KIRREL3: variants seen among roughly 807,000 people sequenced by gnomAD.
The protein encoded by KIRREL3 is kirre like nephrin family adhesion molecule 3.
Under a neutral mutation model 89.7 loss-of-function variants are expected in KIRREL3, and 36 were observed. The observed-to-expected ratio is 0.40, with a 90% CI of 0.31 to 0.53. The LOEUF is 0.53. Ranked by LOEUF, KIRREL3 falls within the 20% of genes least tolerant of loss-of-function variation. The pLI is 0.49. For synonymous variants in KIRREL3, 445 were observed against 441.4 expected (o/e 1.01, Z -0.10); for missense variants, 864 against 1,056.6 (o/e 0.82, Z 2.53).
In KIRREL3 at chr11:126,553,709, G is replaced by A. The variant is rs1381810837; in HGVS notation, c.133+9126C>T. On this transcript the variant is annotated intron_variant, in intron 2 of 16. Coordinates refer to ENST00000525144, the MANE Select transcript of KIRREL3 (RefSeq NM_032531.4). The surrounding 1 kb of genome is among the most constrained non-coding windows in gnomAD (Gnocchi z 4.7). ...AATGCACCCCTCAAATTTCCATAGG[G>A]CTGTGCTCCACATGGGCATCCCATT... Among the ~76,000 whole-genome samples, 1 of 152,114 alleles carries A rather than the reference G, an allele frequency of 6.6e-6. No individual in the cohort carries two copies. Among genetic ancestry groups the A allele is most frequent in the Non-Finnish European group, 1.5e-5 (1 of 68,032 alleles).
At chr11:126,672,900 G>A (rs954859186) in intron 1 of KIRREL3, among the ~76,000 whole-genome samples, 3 of 152,168 alleles carry the variant, frequency 2.0e-5, no homozygotes, top group Non-Finnish European at 4.4e-5. Flanking sequence ...ATTGCTTTGC[G>A]TTAACCTTAA....
chr11:126,995,977 G>C lies in KIRREL3; in HGVS notation c.55+4478C>G, dbSNP rs1044848470. Among the ~76,000 whole-genome samples the C allele has an allele frequency of 2.0e-5, 3 of 152,112 alleles. No individual in the cohort carries two copies. The highest frequency in any genetic ancestry group is 7.2e-5 in the African/African-American group (3 of 41,416). On this transcript the variant is annotated intron_variant, in intron 1 of 16. Coordinates refer to ENST00000525144, the MANE Select transcript of KIRREL3 (RefSeq NM_032531.4). This position sits in a 1 kb window ranked among gnomAD's most constrained non-coding sequence, Gnocchi z 6.5. Reference sequence around the variant, plus strand: ...CAAATCCTCCTCTGTACACCCAAGAGGGGGACCCCATGGTATCCTCTTAGA... The same window carrying C: ...CAAATCCTCCTCTGTACACCCAAGACGGGGACCCCATGGTATCCTCTTAGA...
At position 126,764,537 on chromosome 11, in the gene KIRREL3, C is replaced by T. The variant is rs544067567; in HGVS notation, c.56-201625G>A. On this transcript the variant is annotated intron_variant, in intron 1 of 16. Coordinates refer to ENST00000525144, the MANE Select transcript of KIRREL3 (RefSeq NM_032531.4). This position sits in a 1 kb window ranked among gnomAD's most constrained non-coding sequence, Gnocchi z 4.2. ...CAACAACCTTCTTTGCTGCACCCGC[C>T]GCTGCCTCATGAGGTTCCTGGCAGC... 2.2e-4 allele frequency among the ~76,000 whole-genome samples: 33 copies of T among 152,294 alleles called. No individual in the cohort carries two copies. Among genetic ancestry groups the T allele is most frequent in the South Asian group, 4.1e-4 (2 of 4,824 alleles).
chr11:126,851,854 T>C (rs1356742436), intron 1 of KIRREL3, among the ~76,000 whole-genome samples: 1 of 152,076 alleles, frequency 6.6e-6, no homozygotes, highest in Admixed American at 6.5e-5. Context: ...CATGGGCAGA[T>C]GGAGCATATA....
chr11:126,554,876 G>A (rs1939582705), intron 2 of KIRREL3, among the ~76,000 whole-genome samples: 1 of 152,140 alleles, frequency 6.6e-6, no homozygotes, highest in Non-Finnish European at 1.5e-5. Context: ...AAGCGGCTGA[G>A]CGTCAGGGAT....
Position 126,499,786 on chromosome 11 carries a change from T to C in KIRREL3, c.433+21529A>G, listed in dbSNP as rs77633934. Among the ~76,000 whole-genome samples the C allele has an allele frequency of 3.4e-3, 525 of 152,380 alleles. 12 individuals are homozygous for C. The East Asian group carries it at 0.066, about 19-fold the overall frequency. ...CTGAAGTCTTGTTACTGAAGTCTTG[T>C]GAAGTCATCCCAGATTTTCTGAGTT... On this transcript the variant is annotated intron_variant, in intron 4 of 16. Transcript: ENST00000525144.
chr11:126,782,929 C>T lies in KIRREL3; in HGVS notation c.55+217526G>A, dbSNP rs1397566279. 2.0e-5 allele frequency among the ~76,000 whole-genome samples: 3 copies of T among 152,080 alleles called. No homozygotes were observed. The highest frequency in any genetic ancestry group is 7.2e-5 in the African/African-American group (3 of 41,392). ...TGATACCACTCTGTAATAAAAGGAA[C>T]CAGGGCTCCTTGAAGAAATGGCCAA... On this transcript the variant is annotated intron_variant, in intron 1 of 16. Transcript: ENST00000525144. The surrounding 1 kb of genome is among the most constrained non-coding windows in gnomAD (Gnocchi z 4.1).
At chr11:126,925,622 T>A (rs1947682255) in intron 1 of KIRREL3, among the ~76,000 whole-genome samples, 1 of 152,134 alleles carries the variant, frequency 6.6e-6, no homozygotes, top group East Asian at 1.9e-4. Context: ...CCACCAGCCG[T>A]CCAGCTTCAT....
In KIRREL3 at chr11:126,923,201, CTTCTTCTTCTTCTTCTTCTTCT is replaced by C. The variant is rs1565423401; in HGVS notation, c.55+77232_55+77253del. On this transcript the variant is annotated intron_variant, in intron 1 of 16. Coordinates refer to ENST00000525144, the MANE Select transcript of KIRREL3 (RefSeq NM_032531.4). ...CTCTTCTTCTTCTCTTCTTCTTCTT[CTTCTTCTTCTTCTTCTTCTTCT>C]TCTTCTTCTTCTTCTTCTTCTTCTT... Among the ~76,000 whole-genome samples the C allele has an allele frequency of 6.4e-4, 11 of 17,236 alleles. 4 individuals carry two copies. The highest frequency in any genetic ancestry group is 7.1e-3 in the South Asian group (2 of 282). The allele number at this position is 17,236 out of a possible 152,430, so 11.3% of individuals were successfully genotyped here. A position where few individuals can be genotyped will look rare whatever the true frequency, so the allele number is the denominator to read the frequency against.
At chr11:126,916,539 C>A (rs926436383) in intron 1 of KIRREL3, among the ~76,000 whole-genome samples, 1 of 152,140 alleles carries the variant, frequency 6.6e-6, no homozygotes, top group Admixed American at 6.5e-5. Flanking sequence ...TTCTTAACAT[C>A]CTCCGAGACT....
chr11:126,626,772 C>G (rs886667065), intron 1 of KIRREL3, among the ~76,000 whole-genome samples: 1 of 152,192 alleles, frequency 6.6e-6, no homozygotes. Flanking sequence ...GCGGGCAGAT[C>G]GCCTGAGGTC....
rs1954851497 is a variant in KIRREL3 at position 126,424,520 on chromosome 11, G to A, written c.*60C>T. On this transcript the variant is annotated 3_prime_UTR_variant, in exon 17 of 17. Transcript: ENST00000525144. ...CTCTGCAAAGTACCCCTCGTCCCTG[G>A]ACAACCAGAACGTGCCCTGACCTCT... 8 of 1,544,996 alleles carry A rather than the reference G, an allele frequency of 5.2e-6. No homozygotes were observed. The South Asian group carries it at 8.1e-5, about 16-fold the overall frequency.
At chr11:126,577,798 T>C (rs1309498511) in intron 1 of KIRREL3, among the ~76,000 whole-genome samples, 2 of 151,882 alleles carry the variant, frequency 1.3e-5, no homozygotes, top group Non-Finnish European at 2.9e-5. Flanking sequence ...GTCCTTTCTC[T>C]GGTCTAGACG....
intron 1 of KIRREL3, among the ~76,000 whole-genome samples, chr11:126,848,049 C>T (rs1455431351): frequency 2.6e-5 from 4 of 152,164 alleles, no homozygotes; most frequent in Non-Finnish European, 4.4e-5. Flanking sequence ...AGTCCCTGTA[C>T]AGGGTTCCTG....
rs986570565 is a variant in KIRREL3, at chr11:126,766,599, T to A, written c.56-203687A>T. ...ATCCAAAAGAGATTATTGTGCCTCATGGTGGCGCCAGTAGTATCATTCCAT... is the reference window on the plus strand; with the variant it reads ...ATCCAAAAGAGATTATTGTGCCTCAAGGTGGCGCCAGTAGTATCATTCCAT... On this transcript the variant is annotated intron_variant, in intron 1 of 16. Coordinates refer to ENST00000525144, the MANE Select transcript of KIRREL3 (RefSeq NM_032531.4). The surrounding 1 kb of genome is among the most constrained non-coding windows in gnomAD (Gnocchi z 4.2). Among the ~76,000 whole-genome samples the A allele has an allele frequency of 3.3e-5, 5 of 152,074 alleles. No homozygotes were observed. The highest frequency in any genetic ancestry group is 1.5e-5 in the Non-Finnish European group (1 of 68,002).
Position 126,605,179 on chromosome 11 carries a change from G to A in KIRREL3, c.56-42267C>T, listed in dbSNP as rs1229432410. Among the ~76,000 whole-genome samples the A allele has an allele frequency of 6.6e-6, 1 of 152,102 alleles. No homozygotes were observed. The highest frequency in any genetic ancestry group is 1.9e-4 in the East Asian group (1 of 5,192). On this transcript the variant is annotated intron_variant, in intron 1 of 16. Transcript: ENST00000525144. The surrounding 1 kb of genome is among the most constrained non-coding windows in gnomAD (Gnocchi z 5.7). ...TGCTCTCCCATCTGCAGCAGGTTGG[G>A]GCCCCATGGATAACTATATCTAGGG...
chr11:126,448,863 C>T lies in KIRREL3; in HGVS notation c.997+146G>A, dbSNP rs189024952. On this transcript the variant is annotated intron_variant, in intron 8 of 16. Coordinates refer to ENST00000525144, the MANE Select transcript of KIRREL3 (RefSeq NM_032531.4). ...AATAAACATGAAACAATGCACAAAC[C>T]AGCTTTCGTCGAGTGCAAACCATCC... The T allele has an allele frequency of 4.6e-4, 352 of 769,186 alleles. 2 individuals are homozygous for T. In the African/African-American group the frequency reaches 5.4e-3, roughly 12 times the overall value. The allele number at this position is 769,186 out of a possible 1,614,324, so 47.6% of individuals were successfully genotyped here.
In KIRREL3 at chr11:126,476,214, G is replaced by A. The variant is rs547839489; in HGVS notation, c.434-2748C>T. ...TGCAGAGGTTTTAAAACCTCACTGC[G>A]GGCCACACCCTGAGCAGCCAAGTCC... On this transcript the variant is annotated intron_variant, in intron 4 of 16. Coordinates refer to ENST00000525144, the MANE Select transcript of KIRREL3 (RefSeq NM_032531.4). The surrounding 1 kb of genome is among the most constrained non-coding windows in gnomAD (Gnocchi z 6.4). Among the ~76,000 whole-genome samples, 9 of 152,256 alleles carry A rather than the reference G, an allele frequency of 5.9e-5. No individual in the cohort carries two copies. Among genetic ancestry groups the A allele is most frequent in the Admixed American group, 2.6e-4 (4 of 15,282 alleles).
rs1352328711 is a variant in KIRREL3, at chr11:126,474,605, T to TC, written c.434-1140dup. On this transcript the variant is annotated intron_variant, in intron 4 of 16. Coordinates refer to ENST00000525144, the MANE Select transcript of KIRREL3 (RefSeq NM_032531.4). This position sits in a 1 kb window ranked among gnomAD's most constrained non-coding sequence, Gnocchi z 6.7. ...CCAGAGGCAGCCTGATTCTCTCCTG[T>TC]CCCAGCCTTCCACTGCATTTTGTAG... Among the ~76,000 whole-genome samples the TC allele has an allele frequency of 6.6e-6, 1 of 152,210 alleles. No individual in the cohort carries two copies. The highest frequency in any genetic ancestry group is 1.5e-5 in the Non-Finnish European group (1 of 68,030).
Sources: allele counts gnomAD v4.1 joint callset (sites outside exome capture counted in the v4.1 genomes callset), GRCh38; gene constraint gnomAD v4.1.1; non-coding constraint Gnocchi (gnomAD v3.1); transcripts MANE v1.5; gene names NCBI Gene and HGNC (gene_info 2026-07-23, HGNC 2026-07-21).